Variants in SUGP2 observed in about 807,000 individuals in gnomAD.
SUGP2 encodes SURP and G-patch domain-containing protein 2.
Under a neutral mutation model 90.5 loss-of-function variants are expected in SUGP2, and 24 were observed. The ratio of observed to expected loss-of-function variants is 0.27; its 90% CI spans 0.19 to 0.37. SUGP2 has a LOEUF of 0.37. Among genes scored for constraint, SUGP2 ranks in the 10% least tolerant of loss-of-function variants. The probability of loss-of-function intolerance (pLI) is 1.00; values close to 1 mark genes in which losing one functional copy is unlikely to be tolerated. For missense variants in SUGP2, 1,233 were observed against 1,363.3 expected (o/e 0.90, Z 1.51); for synonymous variants, 473 against 513.4 (o/e 0.92, Z 1.06).
chr19:19,019,458 C>T (rs1644639644), intron 3 of SUGP2, among the ~76,000 whole-genome samples: 1 of 152,130 alleles, frequency 6.6e-6, no homozygotes, highest in South Asian at 2.1e-4. Context: ...TCACAGCTTT[C>T]AATGACTGGA....
At chr19:18,994,299 G>A in intron 10 of SUGP2, 67 bp downstream of exon 10, 2 of 1,560,508 alleles carry the variant, frequency 1.3e-6, no homozygotes, top group East Asian at 2.3e-5. Context: ...TTTGTTGGGG[G>A]AAATTTCTCT....
chr19:19,015,980 T>C (rs1346497344), intron 4 of SUGP2, among the ~76,000 whole-genome samples: 3 of 152,240 alleles, frequency 2.0e-5, no homozygotes, highest in South Asian at 4.1e-4. Flanking sequence ...GTCTGTTTCA[T>C]GGATACAATA....
intron 5 of SUGP2, among the ~76,000 whole-genome samples, chr19:19,009,287 A>G (rs1300953805): frequency 2.6e-5 from 4 of 152,176 alleles, no homozygotes; most frequent in African/African-American, 9.7e-5. Context: ...GCAGTTGTGG[A>G]CACTTTTTTG....
intron 1 of SUGP2, among the ~76,000 whole-genome samples, chr19:19,031,766 C>A (rs1026024497): frequency 6.6e-6 from 1 of 151,302 alleles, no homozygotes; most frequent in Non-Finnish European, 1.5e-5. Context: ...AGTAAGGAGG[C>A]AGTAATCCAT....
chr19:18,999,266 C>T (rs1412213805), intron 8 of SUGP2, among the ~76,000 whole-genome samples: 1 of 152,172 alleles, frequency 6.6e-6, no homozygotes, highest in African/African-American at 2.4e-5. Context: ...CTCCCTTCCA[C>T]CCACAGTCAC....
intron 3 of SUGP2, among the ~76,000 whole-genome samples, chr19:19,022,388 G>T (rs1366932214): frequency 6.6e-6 from 1 of 152,188 alleles, no homozygotes; most frequent in Admixed American, 6.6e-5. Flanking sequence ...ACTGAGGCTT[G>T]CAGATGCTAA....
upstream of SUGP2, chr19:19,033,798 C>A: frequency 4.0e-6 from 1 of 249,730 alleles, no homozygotes; most frequent in Middle Eastern, 1.2e-3. Context: ...CGTGAGCGTC[C>A]GCGAGTCTCT....
intron 7 of SUGP2, among the ~76,000 whole-genome samples, chr19:19,002,671 G>A (rs1231320299): frequency 6.6e-6 from 1 of 151,644 alleles, no homozygotes. Context: ...GCGTCACCAC[G>A]CCTCGCTAAT....
At position 18,994,485 on chromosome 19, in the gene SUGP2, C is replaced by T. The variant is rs200687276; in HGVS notation, c.3130G>A (p.Gly1044Arg). ...AACCCTTCCCCTTCCGAGGGGGTTC[C>T]CCTAGGGAGTGAAAAAGAGAGTCAG... The part of the protein sequence containing the change: ...GKGIREPVSV[G>R]TPSEGEGLGA... The change falls in exon 10 of 11, where the codon GGA becomes AGA. Residue 1044 changes from glycine to arginine, a missense_variant and splice_region_variant. Around this residue, in one of 8 missense-constraint regions of SUGP2, gnomAD observed 53 missense variants for 55.3 expected, o/e 0.96. Coordinates refer to ENST00000452918, the MANE Select transcript of SUGP2 (RefSeq NM_001017392.5). 36 of 1,613,762 alleles carry T rather than the reference C, an allele frequency of 2.2e-5. No individual in the cohort carries two copies. Among genetic ancestry groups the T allele is most frequent in the Middle Eastern group, 1.6e-4 (1 of 6,062 alleles).
Position 19,025,781 on chromosome 19 carries a change from C to T in SUGP2, c.567G>A (p.Arg189=), listed in dbSNP as rs374843157. 6 of 1,613,748 alleles carry T rather than the reference C, an allele frequency of 3.7e-6. No homozygotes were observed. The highest frequency in any genetic ancestry group is 1.3e-5 in the African/African-American group (1 of 74,808). Residue 189 remains arginine (R), a synonymous_variant, in exon 3 of 11, where the codon CGG becomes CGA. Coordinates refer to ENST00000452918, the MANE Select transcript of SUGP2 (RefSeq NM_001017392.5). ...IEKECLEKES[R]DYDVDHPGEA... ...CCCCAGGATGGTCCACGTCATAATCCCGACTCTCCTTCTCCAAACACTCTT... is the reference window on the plus strand; with the variant it reads ...CCCCAGGATGGTCCACGTCATAATCTCGACTCTCCTTCTCCAAACACTCTT...
intron 8 of SUGP2, among the ~76,000 whole-genome samples, chr19:18,997,806 A>G (rs1197543396): frequency 6.6e-6 from 1 of 151,030 alleles, no homozygotes; most frequent in Non-Finnish European, 1.5e-5. Context: ...AAAAAAAAGA[A>G]AGAAAGAAAG....
chr19:19,029,472 T>C (rs531961493), intron 2 of SUGP2, among the ~76,000 whole-genome samples: 47 of 148,492 alleles, frequency 3.2e-4, no homozygotes, highest in Admixed American at 7.5e-4. Flanking sequence ...GGAGTCTCGC[T>C]CTGTCGCCCA....
chr19:19,033,610 G>C, upstream of SUGP2: 1 of 1,174,278 alleles, frequency 8.5e-7, no homozygotes, highest in Non-Finnish European at 1.1e-6. Flanking sequence ...GCCGCGGCCC[G>C]GCTCTCTTGC....
chr19:19,021,017 G>A (rs911975162), intron 3 of SUGP2, among the ~76,000 whole-genome samples: 2 of 151,950 alleles, frequency 1.3e-5, no homozygotes, highest in Non-Finnish European at 2.9e-5. Context: ...AAATTAGCCA[G>A]GTGTGGTGGC....
intron 1 of SUGP2, 75 bp downstream of exon 1, chr19:19,033,362 G>T (rs1599614648): frequency 1.7e-6 from 2 of 1,170,406 alleles, no homozygotes; most frequent in Non-Finnish European, 2.1e-6. Flanking sequence ...GGAGCCCGGG[G>T]CGGGCCCCCA....
At chr19:18,995,109 C>G (rs551236292) in intron 9 of SUGP2, 35 bp downstream of exon 9, 1 of 1,598,676 alleles carries the variant, frequency 6.3e-7, no homozygotes, top group African/African-American at 1.3e-5. Flanking sequence ...GACTGAGGCC[C>G]CACCCACTCC....
In SUGP2 at chr19:19,025,693, C is replaced by T. The variant is rs570581228; in HGVS notation, c.655G>A (p.Val219Ile). Reference protein sequence around the residue: ...VQARGRALNIVDQEGSLLGKG... With the variant: ...VQARGRALNIIDQEGSLLGKG... ...CCTAGGAGGGAACCTTCCTGGTCAA[C>T]GATGTTTAGAGCTCGACCTCTGGCC... Residue 219 changes from valine (V) to isoleucine (I), a missense_variant, in exon 3 of 11, where the codon GTT (valine) becomes ATT (isoleucine). Val to Ile is a conservative substitution (Grantham distance 29). Around this residue, in one of 8 missense-constraint regions of SUGP2, gnomAD observed 418 missense variants for 399.9 expected, o/e 1.05. Coordinates refer to ENST00000452918, the MANE Select transcript of SUGP2 (RefSeq NM_001017392.5). 1.1e-5 allele frequency: 17 copies of T among 1,614,094 alleles called. No homozygotes were observed. The highest frequency in any genetic ancestry group is 1.6e-4 in the Middle Eastern group (1 of 6,062).
At chr19:19,009,566 C>A (rs887022860) in intron 5 of SUGP2, among the ~76,000 whole-genome samples, 1 of 152,062 alleles carries the variant, frequency 6.6e-6, no homozygotes, top group Non-Finnish European at 1.5e-5. Flanking sequence ...GGCAATGCAC[C>A]GCCCACGGCC....
chr19:19,024,594 T>C (rs768256289), intron 3 of SUGP2, 25 bp downstream of exon 3: 2 of 1,571,636 alleles, frequency 1.3e-6, no homozygotes, highest in Non-Finnish European at 1.7e-6. Flanking sequence ...AAACAACAAA[T>C]AGAAACTTTG....
Sources: gnomAD v4.1 joint callset for allele counts (sites outside exome capture counted in the v4.1 genomes callset) on GRCh38, gnomAD v4.1.1 for gene constraint, gnomAD v4.1.1 regional missense constraint, MANE v1.5 for transcripts, NCBI Gene and HGNC (gene_info 2026-07-23, HGNC 2026-07-21) for gene names.